The following KCNH7 variants were observed in gnomAD, a reference collection of about 807,000 sequenced individuals.
KCNH7 encodes voltage-gated inwardly rectifying potassium channel KCNH7.
A neutral mutation model predicts 120.8 loss-of-function variants in KCNH7; 49 were observed. The ratio of observed to expected loss-of-function variants is 0.41; its 90% confidence interval spans 0.32 to 0.51. KCNH7 has a LOEUF of 0.51. KCNH7 is among the 20% of genes least tolerant of loss of function. The pLI, the probability that KCNH7 is intolerant of heterozygous loss-of-function variation, is 0.38. For missense variants in KCNH7, 1,097 were observed against 1,446.6 expected, an observed-to-expected ratio of 0.76 and a Z score of 3.92; for synonymous variants, 547 against 516.1, an observed-to-expected ratio of 1.06 and a Z score of -0.81.
At chr2:162,700,031 T>C (rs1259231541) in intron 2 of KCNH7, among the ~76,000 whole-genome samples, 1 of 152,176 alleles carries the variant, frequency 6.6e-6, no homozygotes, top group Non-Finnish European at 1.5e-5. Context: ...GAATTTCAAG[T>C]TGGCATCGAC....
chr2:162,599,194 G>A (rs902319971), intron 2 of KCNH7, among the ~76,000 whole-genome samples: 9 of 151,650 alleles, frequency 5.9e-5, no homozygotes, highest in African/African-American at 1.9e-4. Flanking sequence ...AACAGAGCGA[G>A]ACTCTGTCTC....
At position 162,620,674 on chromosome 2, in the gene KCNH7, G is replaced by T. The variant is rs141526611; in HGVS notation, c.308-83594C>A. Among the ~76,000 whole-genome samples, 802 of 151,756 alleles carry T rather than the reference G, an allele frequency of 5.3e-3. 10 individuals are homozygous for T. Among genetic ancestry groups the T allele is most frequent in the African/African-American group, 0.018 (764 of 41,328 alleles). ...AATTCTGCCAATTATCTTTTTTATG[G>T]GGTCTCACAGATTCTCCTCATTATT... On this transcript the variant is annotated intron_variant, in intron 2 of 15. Transcript: ENST00000332142.
At chr2:162,772,761 T>G (rs1201108913) in intron 2 of KCNH7, among the ~76,000 whole-genome samples, 1 of 152,208 alleles carries the variant, frequency 6.6e-6, no homozygotes, top group East Asian at 1.9e-4. Context: ...CCCTCTTTCT[T>G]TCTCCCACTT....
intron 6 of KCNH7, among the ~76,000 whole-genome samples, chr2:162,476,647 A>T (rs1689759252): frequency 6.6e-6 from 1 of 152,194 alleles, no homozygotes; most frequent in South Asian, 2.1e-4. Flanking sequence ...ATATATTTTA[A>T]AACATCTTTC....
At chr2:162,773,394 A>G (rs1161306921) in intron 2 of KCNH7, among the ~76,000 whole-genome samples, 1 of 152,130 alleles carries the variant, frequency 6.6e-6, no homozygotes, top group Non-Finnish European at 1.5e-5. Context: ...AGGCTGAGGC[A>G]TGAGAATCGC....
chr2:162,518,304 A>T, intron 3 of KCNH7, 146 bp from the exon 4 acceptor site: 1 of 619,326 alleles, frequency 1.6e-6, no homozygotes, highest in Non-Finnish European at 2.7e-6. Flanking sequence ...TATTGTAGAA[A>T]ACTTCTCTGA....
intron 5 of KCNH7, among the ~76,000 whole-genome samples, chr2:162,508,646 T>G (rs570167721): frequency 6.6e-6 from 1 of 151,380 alleles, no homozygotes; most frequent in Non-Finnish European, 1.5e-5. Context: ...ACAATATCCT[T>G]ATTTCACCGA....
At chr2:162,472,465 G>A (rs1689578376) in intron 6 of KCNH7, among the ~76,000 whole-genome samples, 1 of 152,214 alleles carries the variant, frequency 6.6e-6, no homozygotes, top group South Asian at 2.1e-4. Flanking sequence ...AGACATTTAT[G>A]CAGCCAGCAG....
chr2:162,436,247 T>C (rs1213463218), intron 7 of KCNH7, among the ~76,000 whole-genome samples: 1 of 152,050 alleles, frequency 6.6e-6, no homozygotes, highest in South Asian at 2.1e-4. Flanking sequence ...ATCTGTATAA[T>C]GAGAAGGAGC....
intron 2 of KCNH7, among the ~76,000 whole-genome samples, chr2:162,764,163 G>A (rs1335272424): frequency 1.3e-5 from 2 of 152,012 alleles, no homozygotes; most frequent in African/African-American, 2.4e-5. Flanking sequence ...AGGTTTCATG[G>A]AAAACTCATG....
chr2:162,504,499 T>C lies in KCNH7; in HGVS notation c.1072A>G (p.Ile358Val). The stretch of plus-strand genomic sequence containing the variant: ...CGATCTTTAACCTTGGGTGCAATAA[T>C]GGTTTTATCTGAAGAAGGAGGTGAT... ...NSSPPSSDKT[I>V]IAPKVKDRTH... is the part of the protein sequence containing the mutation. Residue 358 changes from isoleucine (I) to valine (V), a missense_variant, in exon 6 of 16, where the codon ATT becomes GTT. Physicochemically the swap from Ile to Val is conservative, Grantham distance 29. Transcript: ENST00000332142. 2 of 1,613,132 alleles carry C rather than the reference T, an allele frequency of 1.2e-6. No homozygotes were observed. Among genetic ancestry groups the C allele is most frequent in the Non-Finnish European group, 8.5e-7 (1 of 1,179,374 alleles).
intron 9 of KCNH7, among the ~76,000 whole-genome samples, chr2:162,401,236 T>A (rs1414862415): frequency 1.3e-5 from 2 of 151,920 alleles, no homozygotes; most frequent in Admixed American, 1.3e-4. Flanking sequence ...AATAAAATTA[T>A]TTGCTATTTT....
Position 162,838,492 on chromosome 2 carries a change from T to C in KCNH7, c.27A>G (p.Ala9=). The change falls in exon 1 of 16, where the codon GCA becomes GCG. Residue 9 remains alanine (A), a synonymous_variant. Coordinates refer to ENST00000332142, the MANE Select transcript of KCNH7 (RefSeq NM_033272.4). The part of the protein sequence containing the change: MPVRRGHV[A]PQNTFLGTII... The stretch of plus-strand genomic sequence containing the variant: ...TGGTCCCCAGAAATGTATTTTGTGG[T>C]GCCACATGCCCCCTGCGCACAGGCA... 1 of 1,613,600 alleles carries C rather than the reference T, an allele frequency of 6.2e-7. No individual in the cohort carries two copies. The highest frequency in any genetic ancestry group is 1.1e-5 in the South Asian group (1 of 91,058).
intron 2 of KCNH7, among the ~76,000 whole-genome samples, chr2:162,687,180 C>T (rs1036077674): frequency 1.6e-4 from 25 of 152,072 alleles, no homozygotes; most frequent in African/African-American, 4.6e-4. Context: ...GCCATCTTCA[C>T]GCCTCACTCC....
intron 2 of KCNH7, among the ~76,000 whole-genome samples, chr2:162,739,090 A>G (rs1265709154): frequency 1.3e-5 from 2 of 152,172 alleles, no homozygotes; most frequent in African/African-American, 4.8e-5. Context: ...CTTCTGAAAT[A>G]CTGATGCCCA....
At position 162,543,991 on chromosome 2, in the gene KCNH7, G is replaced by A. The variant is rs2105842624; in HGVS notation, c.308-6911C>T. ...ACTCAGCCCTTAAGGAGCTTGAGAT[G>A]AACTCATCAGATTAATTCTCTTGTC... On this transcript the variant is annotated intron_variant, in intron 2 of 15. Coordinates refer to ENST00000332142, the MANE Select transcript of KCNH7 (RefSeq NM_033272.4). Among the ~76,000 whole-genome samples, 2 of 152,262 alleles carry A rather than the reference G, an allele frequency of 1.3e-5. 1 individual carries two copies. Among genetic ancestry groups the A allele is most frequent in the South Asian group, 4.1e-4 (2 of 4,826 alleles).
chr2:162,769,454 A>T (rs762194693), intron 2 of KCNH7, among the ~76,000 whole-genome samples: 2 of 152,170 alleles, frequency 1.3e-5, no homozygotes, highest in Non-Finnish European at 2.9e-5. Context: ...GAATATTCAT[A>T]AACTAATAAT....
intron 2 of KCNH7, among the ~76,000 whole-genome samples, chr2:162,636,062 G>A (rs1027702095): frequency 2.0e-5 from 3 of 151,934 alleles, no homozygotes; most frequent in Non-Finnish European, 2.9e-5. Context: ...TTGGTTTCAG[G>A]TATTTTAGTA....
chr2:162,614,523 C>T (rs1436204799), intron 2 of KCNH7, among the ~76,000 whole-genome samples: 1 of 151,920 alleles, frequency 6.6e-6, no homozygotes, highest in Non-Finnish European at 1.5e-5. Context: ...AATATTCATA[C>T]ATCCAATAAT....
Sources: allele counts gnomAD v4.1 joint callset (sites outside exome capture counted in the v4.1 genomes callset), GRCh38; gene constraint gnomAD v4.1.1; transcripts MANE v1.5; gene names NCBI Gene and HGNC (gene_info 2026-07-23, HGNC 2026-07-21).